The following ABI1 variants were observed in gnomAD, a reference collection of about 807,000 sequenced individuals.
ABI1 encodes the protein Abelson interactor 1.
A neutral mutation model predicts 54.6 loss-of-function variants in ABI1; 14 were observed. The ratio of observed to expected loss-of-function variants is 0.26; its 90% CI spans 0.17 to 0.40. ABI1 has a LOEUF of 0.40. Among genes scored for constraint, ABI1 ranks in the 10% least tolerant of loss-of-function variants. The pLI is 1.00. For missense variants in ABI1, 443 were observed against 598.3 expected (o/e 0.74, Z 2.71); for synonymous variants, 194 against 209.3 (o/e 0.93, Z 0.63).
intron 2 of ABI1, among the ~76,000 whole-genome samples, chr10:26,797,250 T>A (rs1327542997): frequency 6.6e-6 from 1 of 152,262 alleles, no homozygotes; most frequent in Non-Finnish European, 1.5e-5. Flanking sequence ...TGTATTATCC[T>A]GAACAAGTTG....
At chr10:26,756,733 T>A (rs1008013156) in intron 8 of ABI1, among the ~76,000 whole-genome samples, 1 of 152,130 alleles carries the variant, frequency 6.6e-6, no homozygotes, top group African/African-American at 2.4e-5. Flanking sequence ...TAGGACTAGA[T>A]AGCAAAATTT....
chr10:26,831,661 A>G (rs1343202618), intron 1 of ABI1, among the ~76,000 whole-genome samples: 1 of 152,226 alleles, frequency 6.6e-6, no homozygotes, highest in Non-Finnish European at 1.5e-5. Flanking sequence ...TTAAATACAG[A>G]ACACACTCCC....
chr10:26,824,789 C>T (rs2048204833), intron 1 of ABI1, among the ~76,000 whole-genome samples: 1 of 152,002 alleles, frequency 6.6e-6, no homozygotes, highest in African/African-American at 2.4e-5. Flanking sequence ...ATCCCTTAAG[C>T]ATATCTTGTT....
intron 1 of ABI1, among the ~76,000 whole-genome samples, chr10:26,834,214 A>G (rs2048875380): frequency 6.6e-6 from 1 of 152,230 alleles, no homozygotes; most frequent in Non-Finnish European, 1.5e-5. Context: ...TGGGCGACAG[A>G]GCGAGATTCC....
At chr10:26,843,464 AAAAAAAAAAAAAAAAAAAAAAATATAT>A (rs1325588669) in intron 1 of ABI1, among the ~76,000 whole-genome samples, 4 of 79,366 alleles carry the variant, frequency 5.0e-5, no homozygotes, top group African/African-American at 2.0e-4. Flanking sequence ...AAAAAAAAAA[AAAAAAAAAAAAAAAAAAAAAAATATAT>A]ATATATATAT....
intron 3 of ABI1, among the ~76,000 whole-genome samples, chr10:26,774,590 AT>A (rs1231511510): frequency 1.3e-5 from 2 of 152,222 alleles, no homozygotes; most frequent in East Asian, 3.8e-4. Context: ...ACTTTGGGAT[AT>A]TTTGCATATT....
intron 2 of ABI1, 131 bp downstream of exon 2, chr10:26,823,007 C>T: frequency 1.3e-6 from 1 of 791,648 alleles, no homozygotes; most frequent in Non-Finnish European, 1.9e-6. Context: ...GCAGGTTTAC[C>T]AAACTAAAAC....
rs151083505 is a variant in ABI1, at chr10:26,815,708, G to A, written c.285+7430C>T. 3.3e-5 allele frequency among the ~76,000 whole-genome samples: 5 copies of A among 152,250 alleles called. No homozygotes were observed. The East Asian group carries it at 5.8e-4, about 18-fold the overall frequency. ...AGATCACTTGAAGCAAGGAATTTAA[G>A]ACCAGCCTGGGCAACACAGCAAGAT... On this transcript the variant is annotated intron_variant, in intron 2 of 10. Transcript: ENST00000376140.
intron 8 of ABI1, among the ~76,000 whole-genome samples, chr10:26,757,866 G>A (rs1387273103): frequency 2.6e-5 from 4 of 151,860 alleles, no homozygotes; most frequent in South Asian, 2.1e-4. Context: ...TCAGGAGTTC[G>A]AGACCAGCCT....
chr10:26,800,797 G>A lies in ABI1; in HGVS notation c.285+22341C>T, dbSNP rs183811795. Among the ~76,000 whole-genome samples, 46 of 152,014 alleles carry A rather than the reference G, an allele frequency of 3.0e-4. No individual in the cohort carries two copies. In the East Asian group the frequency reaches 4.5e-3, roughly 15 times the overall value. On this transcript the variant is annotated intron_variant, in intron 2 of 10. Coordinates refer to ENST00000376140, the MANE Select transcript of ABI1 (RefSeq NM_001012750.3). Reference sequence around the variant, plus strand: ...TGTCATCCCAGCACTTTGGGAGGTCGGGAGTTCGAGACCAGCCTTACCAAC... The same window carrying A: ...TGTCATCCCAGCACTTTGGGAGGTCAGGAGTTCGAGACCAGCCTTACCAAC...
chr10:26,838,513 A>G (rs2049260147), intron 1 of ABI1, among the ~76,000 whole-genome samples: 1 of 152,220 alleles, frequency 6.6e-6, no homozygotes, highest in Non-Finnish European at 1.5e-5. Context: ...AATATACCAC[A>G]AGGCTCCAGA....
intron 2 of ABI1, among the ~76,000 whole-genome samples, chr10:26,792,659 AAATT>A (rs1287283891): frequency 6.6e-6 from 1 of 152,216 alleles, no homozygotes; most frequent in African/African-American, 2.4e-5. Context: ...TGAATAAATA[AAATT>A]AATTGTGTGG....
At chr10:26,834,548 AACACACACACACACACACAC>A (rs571268846) in intron 1 of ABI1, among the ~76,000 whole-genome samples, 14 of 138,626 alleles carry the variant, frequency 1.0e-4, no homozygotes, top group African/African-American at 3.3e-4. Flanking sequence ...AGACATACAA[AACACACACACACACACACAC>A]ACACACACAC....
At chr10:26,764,521 C>A (rs1018543968) in intron 7 of ABI1, among the ~76,000 whole-genome samples, 1 of 152,180 alleles carries the variant, frequency 6.6e-6, no homozygotes, top group African/African-American at 2.4e-5. Flanking sequence ...TTTATAGACA[C>A]TGATTCTCCA....
chr10:26,759,463 A>G (rs997397055), intron 7 of ABI1, among the ~76,000 whole-genome samples: 2 of 152,220 alleles, frequency 1.3e-5, no homozygotes, highest in African/African-American at 4.8e-5. Flanking sequence ...GCAAAAGTAA[A>G]TAAGTAATAT....
At chr10:26,777,307 A>C in intron 2 of ABI1, 66 bp from the exon 3 acceptor site, 2 of 1,302,862 alleles carry the variant, frequency 1.5e-6, no homozygotes, top group Non-Finnish European at 2.1e-6. Flanking sequence ...ATCCATATAC[A>C]CTGGACCATA....
intron 1 of ABI1, among the ~76,000 whole-genome samples, chr10:26,852,396 T>C (rs1320053749): frequency 1.3e-5 from 2 of 152,162 alleles, no homozygotes; most frequent in Non-Finnish European, 2.9e-5. Context: ...GGAGAATTGA[T>C]TGAACCCAGG....
At chr10:26,793,940 G>C (rs1451942860) in intron 2 of ABI1, among the ~76,000 whole-genome samples, 3 of 152,080 alleles carry the variant, frequency 2.0e-5, no homozygotes, top group Non-Finnish European at 2.9e-5. Context: ...AAAATAAATT[G>C]TTTTTAATTA....
In ABI1 at chr10:26,788,419, A is replaced by C. The variant is rs1049232345; in HGVS notation, c.286-11178T>G. 2.6e-5 allele frequency among the ~76,000 whole-genome samples: 4 copies of C among 152,324 alleles called. No homozygotes were observed. In the East Asian group the frequency reaches 7.7e-4, roughly 29 times the overall value. On this transcript the variant is annotated intron_variant, in intron 2 of 10. Coordinates refer to ENST00000376140, the MANE Select transcript of ABI1 (RefSeq NM_001012750.3). ...AAAGTACTAAAAAATAATAAATCTG[A>C]ATCTTATTTATCAAACTACCCAATC...
Sources: allele counts gnomAD v4.1 joint callset (sites outside exome capture counted in the v4.1 genomes callset), GRCh38; gene constraint gnomAD v4.1.1; transcripts MANE v1.5; gene names NCBI Gene and HGNC (gene_info 2026-07-23, HGNC 2026-07-21).